Variants in ARHGEF38 observed in about 807,000 individuals in gnomAD.
ARHGEF38 encodes Rho guanine nucleotide exchange factor (GEF) 38.
ARHGEF38 carries 79 observed loss-of-function variants against 79.9 expected under a neutral mutation model. The observed-to-expected ratio is 0.99, with a 90% confidence interval of 0.82 to 1.19. The LOEUF (loss-of-function observed/expected upper bound fraction) is 1.19. Ranked by LOEUF, ARHGEF38 falls within the 50% of genes most tolerant of loss-of-function variation. ARHGEF38 has a pLI of 0.00. For missense variants in ARHGEF38, 962 were observed against 907.2 expected (o/e 1.06, Z -0.78); for synonymous variants, 366 against 328.3 (o/e 1.11, Z -1.24).
rs1725579297 is a variant in ARHGEF38 at position 105,561,464 on chromosome 4, A to AGAATAGAATAGAATAGAATGGAATG, written c.196+8522_196+8523insGGAATGGAATAGAATAGAATAGAAT. Reference sequence around the variant, plus strand: ...AGAATAGAATGGAATAGAATAGAATAGAATAGAATAGAATAGAATAGAATA... The same window carrying AGAATAGAATAGAATAGAATGGAATG: ...AGAATAGAATGGAATAGAATAGAATAGAATAGAATAGAATAGAATGGAATGGAATAGAATAGAATAGAATAGAATA... On this transcript the variant is annotated intron_variant, in intron 1 of 13. Coordinates refer to ENST00000420470, the MANE Select transcript of ARHGEF38 (RefSeq NM_001242729.2). 6.7e-5 allele frequency: 3 copies of AGAATAGAATAGAATAGAATGGAATG among 44,602 alleles called. 1 individual carries two copies. The highest frequency in any genetic ancestry group is 1.9e-4 in the African/African-American group (2 of 10,636). 2.8% of individuals were successfully genotyped at this position (44,602 alleles called of 1,614,324 possible). A position where few individuals can be genotyped will look rare whatever the true frequency, so the allele number is the denominator to read the frequency against.
At chr4:105,664,748 G>A (rs773221326) in intron 10 of ARHGEF38, among the ~76,000 whole-genome samples, 5 of 152,144 alleles carry the variant, frequency 3.3e-5, no homozygotes, top group Non-Finnish European at 7.4e-5. Context: ...GGGGTTTGGG[G>A]TACAACAACA....
intron 3 of ARHGEF38, among the ~76,000 whole-genome samples, chr4:105,629,815 T>A (rs1729107246): frequency 6.6e-6 from 1 of 152,146 alleles, no homozygotes; most frequent in Non-Finnish European, 1.5e-5. Flanking sequence ...ATACAATTAG[T>A]CTAAGTTGCT....
At chr4:105,640,725 C>T (rs1020637002) in intron 5 of ARHGEF38, among the ~76,000 whole-genome samples, 10 of 152,122 alleles carry the variant, frequency 6.6e-5, no homozygotes, top group Admixed American at 2.6e-4. Context: ...TTTACTCTCA[C>T]GCTTGGTTTA....
chr4:105,556,988 T>C (rs1487171876), intron 1 of ARHGEF38, among the ~76,000 whole-genome samples: 1 of 152,138 alleles, frequency 6.6e-6, no homozygotes, highest in Non-Finnish European at 1.5e-5. Context: ...TTTCAAAAAT[T>C]CCTCTTCTAT....
At chr4:105,574,840 T>C (rs1330900755) in intron 1 of ARHGEF38, among the ~76,000 whole-genome samples, 2 of 152,170 alleles carry the variant, frequency 1.3e-5, no homozygotes, top group Admixed American at 6.5e-5. Flanking sequence ...ACGTATGTTG[T>C]ATCCAACATG....
intron 7 of ARHGEF38, among the ~76,000 whole-genome samples, chr4:105,651,636 T>G (rs1730108620): frequency 1.3e-5 from 2 of 152,130 alleles, no homozygotes; most frequent in Admixed American, 1.3e-4. Flanking sequence ...AGGTAGTTGT[T>G]TATTTCTCTC....
chr4:105,589,425 G>T lies in ARHGEF38; in HGVS notation c.374G>T (p.Arg125Ile). 6.2e-7 allele frequency: 1 copy of T among 1,604,336 alleles called. No individual in the cohort carries two copies. Among genetic ancestry groups the T allele is most frequent in the Non-Finnish European group, 8.5e-7 (1 of 1,177,416 alleles). The change falls in exon 2 of 14, where the codon AGA (arginine) becomes ATA (isoleucine). Residue 125 changes from arginine to isoleucine, a missense_variant. By Grantham distance (97) the Arg-to-Ile change is moderately conservative. Coordinates refer to ENST00000420470, the MANE Select transcript of ARHGEF38 (RefSeq NM_001242729.2). ...GTTAGGGAAGTGGTTCAGCCCCTGA[G>T]AAATAAAAAGGTAAATATATATTTG... is the stretch of plus-strand genomic sequence containing the variant. ...LCVREVVQPLRNKKTDRLDVD... is the reference protein window; with the variant it reads ...LCVREVVQPLINKKTDRLDVD...
chr4:105,652,172 A>G (rs146786498), intron 7 of ARHGEF38, among the ~76,000 whole-genome samples: 24 of 152,322 alleles, frequency 1.6e-4, no homozygotes, highest in African/African-American at 4.8e-4. Flanking sequence ...AGGAATGTTA[A>G]CAATCTCTGC....
intron 4 of ARHGEF38, among the ~76,000 whole-genome samples, chr4:105,633,572 G>T (rs527654325): frequency 1.5e-4 from 23 of 152,164 alleles, no homozygotes; most frequent in African/African-American, 5.1e-4. Flanking sequence ...CCTGTGCAAG[G>T]GGATATTGGA....
rs1444532620 is a variant in ARHGEF38, at chr4:105,645,199, A to T, written c.686A>T (p.Asn229Ile). ...TATCTGTATTGTAGAGGCAAACCAA[A>T]CTTATTGGACATGGGCTCTTTGATG... ...KKIYMQEGKP[N>I]LLDMGSLMIK... The change falls in exon 6 of 14, where the codon AAC becomes ATC. Residue 229 changes from asparagine to isoleucine, a missense_variant. Transcript: ENST00000420470. 6.6e-7 allele frequency: 1 copy of T among 1,513,218 alleles called. No individual in the cohort carries two copies. Among genetic ancestry groups the T allele is most frequent in the East Asian group, 2.5e-5 (1 of 40,570 alleles). 93.7% of individuals were successfully genotyped at this position (1,513,218 alleles called of 1,614,324 possible).
At chr4:105,627,308 G>A (rs1022964418) in intron 3 of ARHGEF38, among the ~76,000 whole-genome samples, 3 of 152,134 alleles carry the variant, frequency 2.0e-5, no homozygotes, top group South Asian at 2.1e-4. Context: ...TTACTTACCT[G>A]CAGGAGAAAT....
intron 10 of ARHGEF38, among the ~76,000 whole-genome samples, chr4:105,660,014 A>T (rs1315776825): frequency 2.0e-5 from 3 of 152,188 alleles, no homozygotes; most frequent in Non-Finnish European, 4.4e-5. Flanking sequence ...CAACTACACT[A>T]GTTCTCATCT....
intron 2 of ARHGEF38, among the ~76,000 whole-genome samples, chr4:105,607,227 C>T (rs1378515746): frequency 2.0e-5 from 3 of 152,080 alleles, no homozygotes; most frequent in Non-Finnish European, 4.4e-5. Flanking sequence ...CTAAGCACCC[C>T]AGTGTGCCTT....
chr4:105,594,717 T>A (rs1051102550), intron 2 of ARHGEF38, among the ~76,000 whole-genome samples: 1 of 152,238 alleles, frequency 6.6e-6, no homozygotes, highest in Non-Finnish European at 1.5e-5. Flanking sequence ...GACTGACAAC[T>A]GTTCTGTGAC....
At position 105,664,826 on chromosome 4, in the gene ARHGEF38, G is replaced by T. The variant is rs140238722; in HGVS notation, c.1546-1351G>T. Among the ~76,000 whole-genome samples the T allele has an allele frequency of 2.1e-3, 317 of 152,190 alleles. 2 individuals are homozygous for T. The highest frequency in any genetic ancestry group is 7.4e-3 in the African/African-American group (308 of 41,534). On this transcript the variant is annotated intron_variant, in intron 10 of 13. Transcript: ENST00000420470. ...GTGTAGAGAGAGAGGTGTGTGGAGA[G>T]GGTGACTTGATAGGAGCTGTGTATT... is the stretch of plus-strand genomic sequence containing the variant.
intron 1 of ARHGEF38, among the ~76,000 whole-genome samples, chr4:105,574,668 T>A (rs551331025): frequency 2.0e-5 from 3 of 152,100 alleles, no homozygotes; most frequent in African/African-American, 7.2e-5. Context: ...ATTTTTTATA[T>A]ATGGCTTTTA....
chr4:105,643,813 T>C (rs921505038), intron 5 of ARHGEF38, among the ~76,000 whole-genome samples: 2 of 152,102 alleles, frequency 1.3e-5, no homozygotes, highest in African/African-American at 4.8e-5. Context: ...GATAATACAT[T>C]CTTTTGTTTC....
At chr4:105,644,373 G>A (rs1411314944) in intron 5 of ARHGEF38, among the ~76,000 whole-genome samples, 1 of 152,132 alleles carries the variant, frequency 6.6e-6, no homozygotes, top group Non-Finnish European at 1.5e-5. Context: ...GCATAAAGAG[G>A]CTTTTAGAAA....
intron 5 of ARHGEF38, among the ~76,000 whole-genome samples, chr4:105,637,177 T>C (rs1729431464): frequency 6.6e-6 from 1 of 152,128 alleles, no homozygotes; most frequent in Non-Finnish European, 1.5e-5. Flanking sequence ...CCTAAGAGTT[T>C]ATATGAAGAA....
Sources: gnomAD v4.1 joint callset for allele counts (sites outside exome capture counted in the v4.1 genomes callset) on GRCh38, gnomAD v4.1.1 for gene constraint, MANE v1.5 for transcripts, NCBI Gene and HGNC (gene_info 2026-07-23, HGNC 2026-07-21) for gene names.